The following DOCK10 variants were observed in gnomAD, a reference collection of about 807,000 sequenced individuals.
The protein encoded by DOCK10 is dedicator of cytokinesis 10, also known as dedicator of cytokinesis protein 10.
DOCK10 carries 145 observed loss-of-function variants against 280.1 expected under a neutral mutation model. That is an observed-to-expected ratio of 0.52 (90% CI 0.45 to 0.59). The LOEUF is 0.59. DOCK10 is among the 20% of genes least tolerant of loss of function. The probability of loss-of-function intolerance (pLI) is 0.00; values close to 1 mark genes in which losing one functional copy is unlikely to be tolerated. For synonymous variants in DOCK10, 915 were observed against 942.2 expected, an observed-to-expected ratio of 0.97 and a Z score of 0.53; for missense variants, 2,368 against 2,651.7, an observed-to-expected ratio of 0.89 and a Z score of 2.35.
chr2:224,818,398 C>CA (rs760865138), intron 29 of DOCK10, among the ~76,000 whole-genome samples: 2 of 126,442 alleles, frequency 1.6e-5, no homozygotes, highest in Non-Finnish European at 1.6e-5. Flanking sequence ...TGGCCCCTGC[C>CA]TTTTTTTTTT....
At chr2:224,824,358 T>C (rs1694702971) in intron 27 of DOCK10, among the ~76,000 whole-genome samples, 1 of 149,716 alleles carries the variant, frequency 6.7e-6, no homozygotes, top group Admixed American at 6.7e-5. Flanking sequence ...CAGATATCCA[T>C]CCCTCCTGTT....
At chr2:224,966,222 A>T (rs1263563346) in intron 1 of DOCK10, among the ~76,000 whole-genome samples, 1 of 152,150 alleles carries the variant, frequency 6.6e-6, no homozygotes, top group Non-Finnish European at 1.5e-5. Context: ...ACTTTTCTGA[A>T]GGGCCTGCAT....
chr2:224,907,902 A>G (rs1162644444), intron 3 of DOCK10, among the ~76,000 whole-genome samples: 1 of 152,198 alleles, frequency 6.6e-6, no homozygotes, highest in Non-Finnish European at 1.5e-5. Flanking sequence ...TTACATTAGC[A>G]TTTCTCAAAG....
At chr2:224,820,198 G>A (rs1420542249) in intron 28 of DOCK10, among the ~76,000 whole-genome samples, 1 of 152,182 alleles carries the variant, frequency 6.6e-6, no homozygotes, top group Non-Finnish European at 1.5e-5. Context: ...TTCTATCAGC[G>A]AGCTGCTTAC....
chr2:224,776,571 T>C (rs948380918), intron 51 of DOCK10, among the ~76,000 whole-genome samples: 2 of 151,660 alleles, frequency 1.3e-5, no homozygotes, highest in Non-Finnish European at 2.9e-5. Context: ...CAGAAATTTC[T>C]GCCCAGACTC....
intron 17 of DOCK10, 95 bp downstream of exon 17, chr2:224,852,840 C>A: frequency 1.8e-6 from 2 of 1,084,814 alleles, no homozygotes; most frequent in Non-Finnish European, 2.5e-6. Context: ...AGAGTGTTGC[C>A]CCATAGTAAT....
At chr2:224,784,545 T>A (rs1691597725) in intron 50 of DOCK10, among the ~76,000 whole-genome samples, 1 of 152,240 alleles carries the variant, frequency 6.6e-6, no homozygotes, top group African/African-American at 2.4e-5. Flanking sequence ...GTAATTCAGA[T>A]AACTGGCATA....
Position 224,876,060 on chromosome 2 carries a change from T to G in DOCK10, c.909A>C (p.Thr303=). The part of the protein sequence containing the change: ...PEGPLQGRRS[T]ELTDLGLDSL... ...CACCCAGACCCAGATCAGTGAGCTC[T>G]GTGCTCCTCCTCCCTTGGAGGGGCC... is the stretch of plus-strand genomic sequence containing the variant. Residue 303 remains threonine, a synonymous_variant, in exon 8 of 56, where the codon ACA becomes ACC. Transcript: ENST00000258390. 6.2e-7 allele frequency: 1 copy of G among 1,613,704 alleles called. No homozygotes were observed. Among genetic ancestry groups the G allele is most frequent in the East Asian group, 2.2e-5 (1 of 44,874 alleles).
Position 224,862,682 on chromosome 2 carries a change from G to C in DOCK10, c.1667C>G (p.Pro556Arg). ...FCSKLGKYRM[P>R]FAWAVRSVFK... ...AACATACCTTACTGCCCAAGCAAAAGGCATACGGTATTTTCCCAATTTGCT... is the reference window on the plus strand; with the variant it reads ...AACATACCTTACTGCCCAAGCAAAACGCATACGGTATTTTCCCAATTTGCT... The change falls in exon 14 of 56, where the codon CCT becomes CGT. Residue 556 changes from proline (P) to arginine (R), a missense_variant. Pro to Arg is a moderately radical substitution (Grantham distance 103). Transcript: ENST00000258390. The C allele has an allele frequency of 6.2e-7, 1 of 1,613,110 alleles. No individual in the cohort carries two copies. Among genetic ancestry groups the C allele is most frequent in the Non-Finnish European group, 8.5e-7 (1 of 1,179,368 alleles).
chr2:224,932,476 G>T (rs370122076), intron 1 of DOCK10, among the ~76,000 whole-genome samples: 1 of 151,928 alleles, frequency 6.6e-6, no homozygotes, highest in African/African-American at 2.4e-5. Flanking sequence ...CTCCCTCGCC[G>T]CAAAACACAA....
At chr2:224,802,081 A>T (rs1468438340) in intron 39 of DOCK10, 41 bp from the exon 40 acceptor site, 1 of 1,599,306 alleles carries the variant, frequency 6.3e-7, no homozygotes. Flanking sequence ...TTATTTGGGG[A>T]TGTTATAGCC....
In DOCK10 at chr2:224,833,362, C is replaced by T. The variant is rs560126173; in HGVS notation, c.2964+788G>A. On this transcript the variant is annotated intron_variant, in intron 26 of 55. Coordinates refer to ENST00000258390, the MANE Select transcript of DOCK10 (RefSeq NM_014689.3). Reference sequence around the variant, plus strand: ...ACTTGGCTCCAGCCACAGTGTCCTCCCTGTCTCCTGCCACAGTGTCCTCCC... The same window carrying T: ...ACTTGGCTCCAGCCACAGTGTCCTCTCTGTCTCCTGCCACAGTGTCCTCCC... Among the ~76,000 whole-genome samples, 95 of 152,120 alleles carry T rather than the reference C, an allele frequency of 6.2e-4. 3 individuals carry two copies. The South Asian group carries it at 0.019, about 30-fold the overall frequency.
chr2:224,914,646 G>A (rs922433278), intron 3 of DOCK10, among the ~76,000 whole-genome samples: 7 of 152,044 alleles, frequency 4.6e-5, no homozygotes, highest in African/African-American at 1.7e-4. Flanking sequence ...ATAAAGAAAC[G>A]CCAGAAACGA....
At chr2:225,031,451 A>G (rs1690072131) in intron 1 of DOCK10, among the ~76,000 whole-genome samples, 2 of 152,250 alleles carry the variant, frequency 1.3e-5, no homozygotes, top group Non-Finnish European at 2.9e-5. Flanking sequence ...CAATGTGGGC[A>G]CAGGGCCGAA....
chr2:224,773,172 TC>T lies in DOCK10; in HGVS notation c.6188del (p.Gly2063GlufsTer5). The T allele has an allele frequency of 6.2e-7, 1 of 1,612,828 alleles. No individual in the cohort carries two copies. The highest frequency in any genetic ancestry group is 1.1e-5 in the South Asian group (1 of 90,966). On this transcript the variant is annotated frameshift_variant, in exon 53 of 56. Coordinates refer to ENST00000258390, the MANE Select transcript of DOCK10 (RefSeq NM_014689.3). LOFTEE classifies it high-confidence loss of function. ...DMIRLQLKLQ[G>X]SVSVKVNAGP... The stretch of plus-strand genomic sequence containing the variant: ...GCTTACTCACCTTCACGCTGACACT[TC>T]CTTGCAGTTTGAGCTGCAGTCTGAT...
intron 3 of DOCK10, among the ~76,000 whole-genome samples, chr2:224,907,051 A>G (rs1700690427): frequency 6.6e-6 from 1 of 152,230 alleles, no homozygotes; most frequent in African/African-American, 2.4e-5. Flanking sequence ...CACTCTTTGT[A>G]AAGATAATTA....
chr2:224,976,442 G>A (rs1464095644), intron 1 of DOCK10, among the ~76,000 whole-genome samples: 1 of 152,064 alleles, frequency 6.6e-6, no homozygotes, highest in African/African-American at 2.4e-5. Context: ...GCTTCCAACA[G>A]ACAGGACAGA....
intron 1 of DOCK10, among the ~76,000 whole-genome samples, chr2:224,986,616 T>G (rs1705981196): frequency 6.6e-6 from 1 of 151,852 alleles, no homozygotes; most frequent in Admixed American, 6.6e-5. Context: ...ACCAGCTCTC[T>G]CTCTCTCTCT....
At chr2:224,854,617 C>T (rs1559568403) in intron 16 of DOCK10, among the ~76,000 whole-genome samples, 2 of 152,094 alleles carry the variant, frequency 1.3e-5, no homozygotes, top group South Asian at 2.1e-4. Context: ...GACTTTCCTC[C>T]TCTGAAACCC....
Sources: gnomAD v4.1 joint callset for allele counts (sites outside exome capture counted in the v4.1 genomes callset) on GRCh38, gnomAD v4.1.1 for gene constraint, MANE v1.5 for transcripts, NCBI Gene and HGNC (gene_info 2026-07-23, HGNC 2026-07-21) for gene names.